SLC24A3: variants seen among roughly 807,000 people sequenced by gnomAD.
SLC24A3 encodes the protein sodium/potassium/calcium exchanger 3.
SLC24A3 carries 28 observed loss-of-function variants against 75.8 expected under a neutral mutation model. That is an observed-to-expected ratio of 0.37 (90% confidence interval 0.27 to 0.51). The LOEUF is 0.51. Among genes scored for constraint, SLC24A3 ranks in the 20% least tolerant of loss-of-function variants. The pLI, the probability that SLC24A3 is intolerant of heterozygous loss-of-function variation, is 0.94. For missense variants in SLC24A3, 663 were observed against 847.8 expected, an observed-to-expected ratio of 0.78 and a Z score of 2.71; for synonymous variants, 372 against 334.1, an observed-to-expected ratio of 1.11 and a Z score of -1.24.
At chr20:19,525,715 A>G (rs1408406390) in intron 3 of SLC24A3, among the ~76,000 whole-genome samples, 1 of 152,106 alleles carries the variant, frequency 6.6e-6, no homozygotes, top group African/African-American at 2.4e-5. Flanking sequence ...GAGGACGGGC[A>G]CCAACGGTGC....
chr20:19,590,950 G>A (rs1394016984), intron 6 of SLC24A3, among the ~76,000 whole-genome samples: 1 of 152,186 alleles, frequency 6.6e-6, no homozygotes, highest in Non-Finnish European at 1.5e-5. Flanking sequence ...AGACAGTCCT[G>A]CTGAGGCCCC....
chr20:19,599,189 G>A (rs6046207), intron 6 of SLC24A3, among the ~76,000 whole-genome samples: 1 of 152,290 alleles, frequency 6.6e-6, no homozygotes, highest in East Asian at 1.9e-4. Flanking sequence ...TGCAGAACAA[G>A]GCAATTTGCT....
At chr20:19,361,438 G>A (rs572688489) in intron 2 of SLC24A3, among the ~76,000 whole-genome samples, 86 of 152,276 alleles carry the variant, frequency 5.6e-4, no homozygotes, top group African/African-American at 2.0e-3. Context: ...TGACTGCAGA[G>A]GGAAGAAAAG....
intron 2 of SLC24A3, among the ~76,000 whole-genome samples, chr20:19,443,884 G>A (rs1303396702): frequency 1.3e-5 from 2 of 152,128 alleles, no homozygotes; most frequent in African/African-American, 4.8e-5. Context: ...CTCTAGCCAT[G>A]GATAAGGCCC....
chr20:19,350,030 C>T (rs768461714), intron 2 of SLC24A3, among the ~76,000 whole-genome samples: 2 of 152,124 alleles, frequency 1.3e-5, no homozygotes, highest in South Asian at 2.1e-4. Context: ...CTCGAGAGCA[C>T]GGGCACCGTT....
At chr20:19,588,279 G>A (rs1568664794) in intron 6 of SLC24A3, among the ~76,000 whole-genome samples, 1 of 152,182 alleles carries the variant, frequency 6.6e-6, no homozygotes, top group African/African-American at 2.4e-5. Flanking sequence ...ATCCAATCAT[G>A]GATTTCACTT....
chr20:19,574,536 C>T (rs2031101548), intron 3 of SLC24A3, among the ~76,000 whole-genome samples: 1 of 152,198 alleles, frequency 6.6e-6, no homozygotes, highest in Admixed American at 6.5e-5. Context: ...TAGGGGTTAG[C>T]TGCTTGCCAG....
chr20:19,588,350 C>T (rs772112507), intron 6 of SLC24A3, among the ~76,000 whole-genome samples: 10 of 152,128 alleles, frequency 6.6e-5, no homozygotes, highest in Non-Finnish European at 7.3e-5. Context: ...AGCGAGTGCC[C>T]GTGGGCCTCC....
intron 6 of SLC24A3, among the ~76,000 whole-genome samples, chr20:19,586,516 G>A (rs952937272): frequency 2.0e-5 from 3 of 152,050 alleles, no homozygotes; most frequent in Admixed American, 1.3e-4. Context: ...GGAAAGCCCC[G>A]GGGCAGCCTT....
At chr20:19,692,267 C>A (rs2032752818) in intron 12 of SLC24A3, among the ~76,000 whole-genome samples, 1 of 152,154 alleles carries the variant, frequency 6.6e-6, no homozygotes, top group Admixed American at 6.5e-5. Context: ...TATGACTCAG[C>A]AATTTTCCTG....
chr20:19,693,492 C>A lies in SLC24A3; in HGVS notation c.1491+67C>A. 4 of 1,567,280 alleles carry A rather than the reference C, an allele frequency of 2.6e-6. No homozygotes were observed. In the South Asian group the frequency reaches 4.7e-5, roughly 18 times the overall value. ...AGAGAATAAAGAAGGGAATAAGAGT[C>A]AGGGTTTCAGCCGATAACTGTACTA... is the stretch of plus-strand genomic sequence containing the variant. On this transcript the variant is annotated intron_variant, in intron 13 of 16. Coordinates refer to ENST00000328041, the MANE Select transcript of SLC24A3 (RefSeq NM_020689.4).
At chr20:19,598,664 G>C (rs1881365517) in intron 6 of SLC24A3, among the ~76,000 whole-genome samples, 3 of 152,144 alleles carry the variant, frequency 2.0e-5, no homozygotes, top group African/African-American at 7.2e-5. Flanking sequence ...GGCACTTGGT[G>C]AGGTACCAGC....
chr20:19,294,395 G>A (rs1984014314), intron 2 of SLC24A3, among the ~76,000 whole-genome samples: 1 of 152,106 alleles, frequency 6.6e-6, no homozygotes, highest in South Asian at 2.1e-4. Flanking sequence ...TAGGTATTAA[G>A]CCCCACATGC....
intron 3 of SLC24A3, among the ~76,000 whole-genome samples, chr20:19,564,466 CCACCATCATCATATCACAATCACTATCGT>C (rs2030924414): frequency 6.6e-6 from 1 of 152,136 alleles, no homozygotes; most frequent in Admixed American, 6.6e-5. Flanking sequence ...ATCCTTGTCT[CCACCATCATCATATCACAATCACTATCGT>C]CACCATCATC....
At chr20:19,615,040 T>A (rs907445431) in intron 6 of SLC24A3, among the ~76,000 whole-genome samples, 1 of 136,124 alleles carries the variant, frequency 7.3e-6, no homozygotes, top group African/African-American at 2.6e-5. Flanking sequence ...GGTCTTTAGC[T>A]TCATCCTTAA....
intron 15 of SLC24A3, among the ~76,000 whole-genome samples, chr20:19,716,832 C>T (rs1435253522): frequency 6.6e-6 from 1 of 152,066 alleles, no homozygotes; most frequent in Non-Finnish European, 1.5e-5. Flanking sequence ...CAAGATCACA[C>T]CACTGCACCC....
intron 2 of SLC24A3, among the ~76,000 whole-genome samples, chr20:19,394,806 T>C (rs1188234323): frequency 3.3e-5 from 5 of 152,226 alleles, no homozygotes; most frequent in African/African-American, 4.8e-5. Flanking sequence ...GAAAACAGTA[T>C]GGTAATTCCT....
chr20:19,307,887 G>A (rs1984369286), intron 2 of SLC24A3, among the ~76,000 whole-genome samples: 1 of 152,230 alleles, frequency 6.6e-6, no homozygotes, highest in South Asian at 2.1e-4. Context: ...GACCAACTCT[G>A]CATCTGTGGT....
At chr20:19,306,094 A>T (rs1449178562) in intron 2 of SLC24A3, among the ~76,000 whole-genome samples, 2 of 152,236 alleles carry the variant, frequency 1.3e-5, no homozygotes, top group African/African-American at 4.8e-5. Context: ...AAAAGAAGAC[A>T]TACGTGTGGC....
Sources: allele counts gnomAD v4.1 joint callset (sites outside exome capture counted in the v4.1 genomes callset), GRCh38; gene constraint gnomAD v4.1.1; transcripts MANE v1.5; gene names NCBI Gene and HGNC (gene_info 2026-07-23, HGNC 2026-07-21).